C4orf50: variants seen among roughly 807,000 people sequenced by gnomAD.
C4orf50 encodes the protein chromosome 4 open reading frame 50.
C4orf50 carries 80 observed loss-of-function variants against 77.2 expected under a neutral mutation model. The observed-to-expected ratio is 1.04, with a 90% CI of 0.87 to 1.25. The LOEUF (loss-of-function observed/expected upper bound fraction) is 1.25, where lower values mean the gene tolerates loss of function less well. C4orf50 is among the 50% of genes most tolerant of loss of function. The pLI, the probability that C4orf50 is intolerant of heterozygous loss-of-function variation, is 0.00. For missense variants in C4orf50, 1,257 were observed against 1,152.9 expected (o/e 1.09, Z -1.31); for synonymous variants, 532 against 465.3 (o/e 1.14, Z -1.84).
intron 7 of C4orf50, among the ~76,000 whole-genome samples, chr4:5,914,040 T>A (rs1000267374): frequency 2.9e-4 from 44 of 152,044 alleles, no homozygotes; most frequent in African/African-American, 1.1e-3. Flanking sequence ...AAGTAAAGTT[T>A]ATGAAGACAA....
rs187397150 is a variant in C4orf50 at position 5,980,335 on chromosome 4, G to C, written c.3703C>G (p.Arg1235Gly). 1.9e-6 allele frequency: 3 copies of C among 1,608,710 alleles called. No homozygotes were observed. In the African/African-American group the frequency reaches 4.0e-5, roughly 22 times the overall value. ...TCAGTAACCTCGGCCTCTGAGTCCC[G>C]GAGCTGCGGAAATCACAGATTTGAA... The change falls in exon 29 of 34, where the codon CGG becomes GGG. Residue 1235 changes from arginine to glycine, a missense_variant. Transcript: ENST00000531445.
intron 7 of C4orf50, among the ~76,000 whole-genome samples, chr4:5,942,357 A>T (rs949868648): frequency 6.6e-6 from 1 of 152,146 alleles, no homozygotes; most frequent in African/African-American, 2.4e-5. Context: ...GGCTTTGCTG[A>T]TCCCTGTATG....
At chr4:5,978,943 T>C (rs1283804599) in intron 29 of C4orf50, among the ~76,000 whole-genome samples, 1 of 152,208 alleles carries the variant, frequency 6.6e-6, no homozygotes, top group East Asian at 1.9e-4. Context: ...ACATATAACA[T>C]GCTTTGATCT....
At chr4:5,982,709 G>C (rs1457598622) in intron 28 of C4orf50, among the ~76,000 whole-genome samples, 1 of 152,072 alleles carries the variant, frequency 6.6e-6, no homozygotes, top group Non-Finnish European at 1.5e-5. Context: ...TGAAGGCAGA[G>C]TTGGGAGGAG....
chr4:5,987,976 A>T, intron 28 of C4orf50, among the ~76,000 whole-genome samples: 1 of 152,222 alleles, frequency 6.6e-6, no homozygotes. Flanking sequence ...AATGTACAGA[A>T]TTAGTACTTG....
At chr4:5,964,034 T>G (rs1329760616) in intron 33 of C4orf50, among the ~76,000 whole-genome samples, 2 of 15,816 alleles carry the variant, frequency 1.3e-4, no homozygotes, top group Admixed American at 1.2e-3. Flanking sequence ...GGGGGAAACG[T>G]TAACAGAACA....
chr4:5,989,499 C>G, exon 28 of C4orf50: 1 of 1,536,118 alleles, frequency 6.5e-7, no homozygotes, highest in Non-Finnish European at 8.7e-7. Flanking sequence ...GAGCTCTCTC[C>G]CAGCCACTGT....
chr4:5,898,050 G>GT (rs1417235644), exon 8 of C4orf50: 1 of 152,268 alleles, frequency 6.6e-6, no homozygotes, highest in African/African-American at 2.4e-5. Flanking sequence ...AAGGTGTACA[G>GT]TTATTGTGCA....
intron 31 of C4orf50, 57 bp downstream of exon 9, chr4:5,973,602 A>G: frequency 7.0e-7 from 1 of 1,420,300 alleles, no homozygotes; most frequent in Non-Finnish European, 9.7e-7. Flanking sequence ...GGGGCATGCA[A>G]GGGACGCGCC....
intron 7 of C4orf50, among the ~76,000 whole-genome samples, chr4:5,912,716 G>GA (rs1308108392): frequency 6.6e-6 from 1 of 152,264 alleles, no homozygotes; most frequent in Non-Finnish European, 1.5e-5. Flanking sequence ...GAGGAGTGCA[G>GA]AGAGAGCCTG....
chr4:5,913,977 C>T (rs1716919916), intron 7 of C4orf50, among the ~76,000 whole-genome samples: 3 of 152,034 alleles, frequency 2.0e-5, no homozygotes, highest in Admixed American at 2.0e-4. Flanking sequence ...ACCCCGGCAG[C>T]CCAAATGTTC....
At chr4:5,986,366 T>C (rs1422440969) in intron 28 of C4orf50, among the ~76,000 whole-genome samples, 2 of 150,858 alleles carry the variant, frequency 1.3e-5, no homozygotes, top group African/African-American at 2.4e-5. Flanking sequence ...ACTCCAGAGA[T>C]GCTTAGAAAT....
At chr4:6,013,263 C>A (rs1433575910) in intron 23 of C4orf50, among the ~76,000 whole-genome samples, 1 of 152,118 alleles carries the variant, frequency 6.6e-6, no homozygotes, top group Admixed American at 6.5e-5. Context: ...GGATCATAAC[C>A]AAGATCCTTC....
chr4:5,999,597 C>T lies in C4orf50; in HGVS notation c.964-5121G>A, dbSNP rs564524827. 1.1e-4 allele frequency among the ~76,000 whole-genome samples: 17 copies of T among 152,282 alleles called. No individual in the cohort carries two copies. The South Asian group carries it at 3.5e-3, about 32-fold the overall frequency. ...CCGTGGGCAGTGGAGCAAATAACTT[C>T]ACCGATGCCTCAAGGCACTCACTCA... On this transcript the variant is annotated intron_variant, in intron 25 of 33. Coordinates refer to ENST00000531445, the Ensembl canonical transcript of C4orf50.
intron 32 of C4orf50, among the ~76,000 whole-genome samples, chr4:5,966,525 C>T (rs1015442000): frequency 6.6e-6 from 1 of 151,720 alleles, no homozygotes; most frequent in Non-Finnish European, 1.5e-5. Flanking sequence ...AAAAAAAGCA[C>T]TCATGTTACC....
chr4:5,967,324 A>C, intron 32 of C4orf50, 90 bp downstream of exon 10: 7 of 970,776 alleles, frequency 7.2e-6, no homozygotes, highest in South Asian at 1.3e-5. Context: ...GACAGTGGGC[A>C]TCTCCCCTCT....
chr4:6,016,885 G>A (rs1722703915), intron 23 of C4orf50, among the ~76,000 whole-genome samples: 1 of 152,208 alleles, frequency 6.6e-6, no homozygotes, highest in African/African-American at 2.4e-5. Flanking sequence ...GCAAGTACAA[G>A]AAAATGGGGA....
At chr4:5,988,589 C>T in exon 28 of C4orf50, 1 of 1,536,400 alleles carries the variant, frequency 6.5e-7, no homozygotes, top group African/African-American at 1.4e-5. Flanking sequence ...ATTTCCTCCT[C>T]CAAGGGTGGC....
rs990851461 is a variant in C4orf50 at position 5,992,482 on chromosome 4, T to C, written c.1221+321A>G. On this transcript the variant is annotated intron_variant, in intron 27 of 33. Coordinates refer to ENST00000531445, the Ensembl canonical transcript of C4orf50. The surrounding 1 kb of genome is among the most constrained non-coding windows in gnomAD (Gnocchi z 5.0). The stretch of plus-strand genomic sequence containing the variant: ...GACCTTGGGGAGTCACAGCAGCCCT[T>C]GGAGTCTCATCTCCTCTCCAGAGCA... Among the ~76,000 whole-genome samples, 5 of 151,890 alleles carry C rather than the reference T, an allele frequency of 3.3e-5. No homozygotes were observed. Among genetic ancestry groups the C allele is most frequent in the African/African-American group, 1.2e-4 (5 of 41,344 alleles).
Sources: allele counts gnomAD v4.1 joint callset (sites outside exome capture counted in the v4.1 genomes callset), GRCh38; gene constraint gnomAD v4.1.1; non-coding constraint Gnocchi (gnomAD v3.1); transcripts MANE v1.5; gene names NCBI Gene and HGNC (gene_info 2026-07-23, HGNC 2026-07-21).